The following BANK1 variants were observed in gnomAD, a reference collection of about 807,000 sequenced individuals.
BANK1 encodes the protein B-cell scaffold protein with ankyrin repeats.
In BANK1, 95 loss-of-function variants were observed where a neutral mutation model predicts 94.5. The ratio of observed to expected loss-of-function variants is 1.00; its 90% CI spans 0.85 to 1.19. The LOEUF is 1.19. Ranked by LOEUF, BANK1 falls within the 50% of genes most tolerant of loss-of-function variation. BANK1 has a pLI of 0.00. For missense variants in BANK1, 987 were observed against 932.2 expected, an observed-to-expected ratio of 1.06 and a Z score of -0.77; for synonymous variants, 334 against 308.4, an observed-to-expected ratio of 1.08 and a Z score of -0.87.
intron 1 of BANK1, among the ~76,000 whole-genome samples, chr4:101,801,381 G>A (rs534481071): frequency 6.6e-5 from 10 of 152,074 alleles, no homozygotes; most frequent in Admixed American, 2.6e-4. Context: ...CATATGTGCC[G>A]TGCATTTGTG....
Position 101,898,557 on chromosome 4 carries a change from A to G in BANK1, c.1009+3147A>G, listed in dbSNP as rs547824503. 1.9e-3 allele frequency among the ~76,000 whole-genome samples: 282 copies of G among 152,192 alleles called. 1 individual carries two copies. The highest frequency in any genetic ancestry group is 2.2e-3 in the Non-Finnish European group (151 of 67,960). On this transcript the variant is annotated intron_variant, in intron 6 of 16. Transcript: ENST00000322953. Reference sequence around the variant, plus strand: ...AGAAATTGAGTCTCTCTCAGAGAACATAATCATAAGGAATTGAAAAAGTAT... The same window carrying G: ...AGAAATTGAGTCTCTCTCAGAGAACGTAATCATAAGGAATTGAAAAAGTAT...
chr4:102,023,281 T>C (rs899120630), intron 8 of BANK1, among the ~76,000 whole-genome samples: 1 of 152,312 alleles, frequency 6.6e-6, no homozygotes, highest in Non-Finnish European at 1.5e-5. Context: ...TTCAAGTTAT[T>C]GCAGGACACA....
intron 7 of BANK1, among the ~76,000 whole-genome samples, chr4:101,952,844 C>G (rs1190591993): frequency 6.6e-6 from 1 of 152,148 alleles, no homozygotes; most frequent in Non-Finnish European, 1.5e-5. Flanking sequence ...CACACTCCAG[C>G]ATTGCCATGT....
chr4:101,949,719 T>C (rs767429583), intron 7 of BANK1, among the ~76,000 whole-genome samples: 1 of 152,158 alleles, frequency 6.6e-6, no homozygotes, highest in Non-Finnish European at 1.5e-5. Context: ...GAAAAAGTAA[T>C]AAATGTACAA....
chr4:101,828,776 A>G (rs1726478623), intron 1 of BANK1, among the ~76,000 whole-genome samples: 1 of 152,094 alleles, frequency 6.6e-6, no homozygotes, highest in Non-Finnish European at 1.5e-5. Context: ...CATTTCTCTT[A>G]TTGTGGTGAC....
intron 4 of BANK1, among the ~76,000 whole-genome samples, chr4:101,869,105 C>T (rs114661219): frequency 1.3e-5 from 2 of 151,800 alleles, no homozygotes; most frequent in Non-Finnish European, 2.9e-5. Flanking sequence ...AAGCAAATCT[C>T]ACCATATACC....
intron 1 of BANK1, 105 bp from the exon 2 acceptor site, chr4:101,829,703 G>A: frequency 3.2e-6 from 2 of 627,018 alleles, no homozygotes; most frequent in Non-Finnish European, 2.5e-6. Flanking sequence ...TCTGGTATAA[G>A]CAAATTAATA....
At chr4:102,017,217 AAG>A (rs1376289452) in intron 7 of BANK1, among the ~76,000 whole-genome samples, 2 of 152,140 alleles carry the variant, frequency 1.3e-5, no homozygotes, top group Non-Finnish European at 2.9e-5. Flanking sequence ...AGTCTTAACA[AAG>A]AACTGGATTT....
chr4:101,813,044 T>C (rs1193481160), intron 1 of BANK1, among the ~76,000 whole-genome samples: 2 of 152,170 alleles, frequency 1.3e-5, no homozygotes. Context: ...TCACATACTG[T>C]ATTATAAACA....
intron 7 of BANK1, among the ~76,000 whole-genome samples, chr4:101,948,765 T>G (rs929427310): frequency 1.3e-5 from 2 of 152,050 alleles, no homozygotes; most frequent in African/African-American, 4.8e-5. Flanking sequence ...CATCCCAAAA[T>G]GTAGTAGCTT....
chr4:101,889,624 A>G (rs1016007885), intron 5 of BANK1, among the ~76,000 whole-genome samples: 3 of 150,874 alleles, frequency 2.0e-5, no homozygotes, highest in Non-Finnish European at 4.4e-5. Flanking sequence ...AAAAAAAAAA[A>G]AAAAGAATCA....
chr4:102,060,178 T>C (rs1206988983), intron 11 of BANK1, 33 bp from the exon 12 acceptor site: 1 of 1,519,806 alleles, frequency 6.6e-7, no homozygotes, highest in East Asian at 2.4e-5. Context: ...ACACCTGGAC[T>C]TTCTGTTAAT....
intron 13 of BANK1, among the ~76,000 whole-genome samples, chr4:102,065,304 A>G (rs1286907607): frequency 6.6e-6 from 1 of 152,194 alleles, no homozygotes; most frequent in Non-Finnish European, 1.5e-5. Flanking sequence ...TCTGGGAGAC[A>G]GAGTTTGTAG....
At chr4:101,854,367 T>C (rs374129566) in intron 2 of BANK1, among the ~76,000 whole-genome samples, 11 of 152,334 alleles carry the variant, frequency 7.2e-5, no homozygotes, top group African/African-American at 2.6e-4. Context: ...TAAATTACTG[T>C]TAAAATTTTT....
intron 5 of BANK1, among the ~76,000 whole-genome samples, chr4:101,891,098 G>A (rs1363594858): frequency 3.3e-5 from 5 of 152,024 alleles, no homozygotes; most frequent in African/African-American, 1.2e-4. Context: ...TGCTTATTGT[G>A]TTCTTGCTCT....
At chr4:102,017,569 A>G (rs965017422) in intron 7 of BANK1, among the ~76,000 whole-genome samples, 1 of 152,330 alleles carries the variant, frequency 6.6e-6, no homozygotes, top group Admixed American at 6.5e-5. Flanking sequence ...CAGTCACAGA[A>G]GCCAACCCTC....
chr4:101,947,864 C>A (rs560475181), intron 7 of BANK1, among the ~76,000 whole-genome samples: 2 of 151,970 alleles, frequency 1.3e-5, no homozygotes, highest in East Asian at 3.9e-4. Context: ...TTGAAAAATT[C>A]ATTTCTCCCT....
intron 7 of BANK1, among the ~76,000 whole-genome samples, chr4:102,013,233 G>A (rs746188620): frequency 3.3e-5 from 5 of 151,950 alleles, no homozygotes; most frequent in African/African-American, 9.6e-5. Context: ...TCAATTATTC[G>A]CTATTCTCTT....
intron 2 of BANK1, among the ~76,000 whole-genome samples, chr4:101,852,304 C>T (rs1403007420): frequency 2.0e-5 from 3 of 151,130 alleles, no homozygotes; most frequent in African/African-American, 7.3e-5. Context: ...ATTAAATATA[C>T]ATACATAATT....
Sources: gnomAD v4.1 joint callset for allele counts (sites outside exome capture counted in the v4.1 genomes callset) on GRCh38, gnomAD v4.1.1 for gene constraint, MANE v1.5 for transcripts, NCBI Gene and HGNC (gene_info 2026-07-23, HGNC 2026-07-21) for gene names.